Variants in HELZ observed in about 807,000 individuals in gnomAD.
The protein encoded by HELZ is helicase with zinc finger.
Under a neutral mutation model 218.2 loss-of-function variants are expected in HELZ, and 23 were observed. That is an observed-to-expected ratio of 0.11 (90% CI 0.08 to 0.15). The LOEUF is 0.15. Ranked by LOEUF, HELZ falls within the 10% of genes least tolerant of loss-of-function variation. HELZ has a pLI of 1.00. For synonymous variants in HELZ, 814 were observed against 829.4 expected, an observed-to-expected ratio of 0.98 and a Z score of 0.32; for missense variants, 1,813 against 2,353.7, an observed-to-expected ratio of 0.77 and a Z score of 4.75.
chr17:67,163,808 A>G (rs1432622396), intron 15 of HELZ, among the ~76,000 whole-genome samples: 1 of 152,176 alleles, frequency 6.6e-6, no homozygotes, highest in Non-Finnish European at 1.5e-5. Flanking sequence ...TGCTGGGATT[A>G]CAGGTGTGAG....
At chr17:67,114,942 T>C (rs2037385682) in intron 27 of HELZ, among the ~76,000 whole-genome samples, 1 of 152,142 alleles carries the variant, frequency 6.6e-6, no homozygotes, top group Middle Eastern at 3.2e-3. Context: ...ATTAAGGTTT[T>C]AAAAAAGCAC....
At chr17:67,220,567 C>T (rs758453055) in intron 3 of HELZ, among the ~76,000 whole-genome samples, 1 of 152,142 alleles carries the variant, frequency 6.6e-6, no homozygotes, top group East Asian at 1.9e-4. Flanking sequence ...ACTGCAGCCT[C>T]GACTTGCCAG....
intron 3 of HELZ, among the ~76,000 whole-genome samples, chr17:67,237,865 A>G (rs538679831): frequency 1.3e-5 from 2 of 151,886 alleles, no homozygotes; most frequent in East Asian, 1.9e-4. Context: ...GCGCACACCT[A>G]TAGTCCCAGC....
chr17:67,119,876 G>A, intron 27 of HELZ: 1 of 377,112 alleles, frequency 2.7e-6, no homozygotes, highest in Non-Finnish European at 5.0e-6. Flanking sequence ...AATCATAAGT[G>A]GTAGGATTTA....
At position 67,190,331 on chromosome 17, in the gene HELZ, C is replaced by G. The variant is rs2039859930; in HGVS notation, c.582G>C (p.Arg194Ser). ...CKRFLEQGIC[R>S]YGAQCTSAHS... is the part of the protein sequence containing the mutation. Reference sequence around the variant, plus strand: ...GTGCTGAAGTACACTGGGCACCATACCTACAGATTCCTTGTTCTAAAAATC... The same window carrying G: ...GTGCTGAAGTACACTGGGCACCATAGCTACAGATTCCTTGTTCTAAAAATC... Residue 194 changes from arginine to serine, a missense_variant, in exon 10 of 33, where the codon AGG becomes AGC. Physicochemically the swap from Arg to Ser is moderately radical, Grantham distance 110. Transcript: ENST00000358691. The G allele has an allele frequency of 6.2e-7, 1 of 1,613,136 alleles. No homozygotes were observed. Among genetic ancestry groups the G allele is most frequent in the Non-Finnish European group, 8.5e-7 (1 of 1,179,128 alleles).
intron 9 of HELZ, among the ~76,000 whole-genome samples, chr17:67,190,981 T>C (rs918934015): frequency 6.6e-6 from 1 of 152,200 alleles, no homozygotes; most frequent in Non-Finnish European, 1.5e-5. Context: ...GTGCTGGGAT[T>C]ATAGGCGTGA....
chr17:67,136,963 A>C (rs1483316247), intron 22 of HELZ, among the ~76,000 whole-genome samples: 1 of 152,170 alleles, frequency 6.6e-6, no homozygotes, highest in East Asian at 1.9e-4. Flanking sequence ...GCATTTTACC[A>C]CCATAAAAAA....
intron 17 of HELZ, among the ~76,000 whole-genome samples, chr17:67,157,257 CTCA>C (rs967149561): frequency 2.6e-5 from 4 of 152,146 alleles, no homozygotes; most frequent in Admixed American, 1.3e-4. Flanking sequence ...GCCTAATACA[CTCA>C]TCAACTAACT....
chr17:67,092,349 G>T (rs1049796574), intron 31 of HELZ, among the ~76,000 whole-genome samples: 1 of 152,104 alleles, frequency 6.6e-6, no homozygotes, highest in South Asian at 2.1e-4. Flanking sequence ...CCCCAAGAAG[G>T]GAAACGATTC....
At chr17:67,079,445 A>C (rs186322324) in intron 32 of HELZ, among the ~76,000 whole-genome samples, 3 of 152,278 alleles carry the variant, frequency 2.0e-5, no homozygotes, top group Admixed American at 6.5e-5. Context: ...TTTCATTATC[A>C]CCAATTTTTC....
At chr17:67,187,525 C>G (rs192819465) in intron 12 of HELZ, among the ~76,000 whole-genome samples, 4 of 152,200 alleles carry the variant, frequency 2.6e-5, no homozygotes, top group Non-Finnish European at 5.9e-5. Flanking sequence ...TAGTAAAAAA[C>G]GTCCTCCACA....
intron 3 of HELZ, among the ~76,000 whole-genome samples, chr17:67,236,298 A>G (rs2041183776): frequency 6.6e-6 from 1 of 152,256 alleles, no homozygotes. Context: ...TTATGGTAAA[A>G]CAGGTATATC....
At chr17:67,163,041 C>A (rs569652034) in intron 15 of HELZ, among the ~76,000 whole-genome samples, 119 of 152,262 alleles carry the variant, frequency 7.8e-4, no homozygotes, top group Admixed American at 1.3e-3. Flanking sequence ...TTCTATGATA[C>A]CTGCCCCCAA....
At chr17:67,184,671 C>T (rs1408079686) in intron 12 of HELZ, among the ~76,000 whole-genome samples, 1 of 151,902 alleles carries the variant, frequency 6.6e-6, no homozygotes, top group African/African-American at 2.4e-5. Context: ...TTTTAATTAG[C>T]CAGGCATGGT....
At chr17:67,156,709 G>T (rs144870320) in intron 17 of HELZ, among the ~76,000 whole-genome samples, 1 of 151,350 alleles carries the variant, frequency 6.6e-6, no homozygotes, top group East Asian at 1.9e-4. Context: ...CTATGCTCAC[G>T]CTTCAATCAC....
intron 11 of HELZ, 123 bp downstream of exon 11, chr17:67,189,466 C>T (rs949304593): frequency 3.1e-5 from 19 of 617,378 alleles, no homozygotes; most frequent in South Asian, 2.0e-4. Flanking sequence ...AATATAGAAC[C>T]TATATATAAT....
intron 3 of HELZ, among the ~76,000 whole-genome samples, chr17:67,220,705 G>C (rs2040720151): frequency 6.6e-6 from 1 of 151,846 alleles, no homozygotes; most frequent in Non-Finnish European, 1.5e-5. Flanking sequence ...TGCCCAGCCT[G>C]GTATCAAAAC....
intron 32 of HELZ, among the ~76,000 whole-genome samples, chr17:67,084,132 G>T (rs567787545): frequency 1.3e-5 from 2 of 152,242 alleles, no homozygotes; most frequent in East Asian, 3.9e-4. Flanking sequence ...TGATAAACAA[G>T]AAGTTGTGCT....
intron 14 of HELZ, among the ~76,000 whole-genome samples, chr17:67,167,177 G>T (rs1468527388): frequency 2.0e-5 from 3 of 152,182 alleles, no homozygotes; most frequent in Non-Finnish European, 2.9e-5. Flanking sequence ...TGTCCCAGGA[G>T]GTAGCTTACA....
Sources: allele counts gnomAD v4.1 joint callset (sites outside exome capture counted in the v4.1 genomes callset), GRCh38; gene constraint gnomAD v4.1.1; transcripts MANE v1.5; gene names NCBI Gene and HGNC (gene_info 2026-07-23, HGNC 2026-07-21).